Variants in MACROD2 observed in about 807,000 individuals in gnomAD.
MACROD2 encodes mono-ADP ribosylhydrolase 2, also known as ADP-ribose glycohydrolase MACROD2.
A neutral mutation model predicts 70.4 loss-of-function variants in MACROD2; 36 were observed. The observed-to-expected ratio is 0.51, with a 90% confidence interval of 0.39 to 0.68. The LOEUF is 0.68. Among genes scored for constraint, MACROD2 ranks in the 30% least tolerant of loss-of-function variants. The pLI is 0.00. For missense variants in MACROD2, 496 were observed against 538.4 expected, an observed-to-expected ratio of 0.92 and a Z score of 0.78; for synonymous variants, 172 against 178.8, an observed-to-expected ratio of 0.96 and a Z score of 0.30.
At chr20:16,032,654 A>T (rs4814426) in intron 15 of MACROD2, among the ~76,000 whole-genome samples, 3 of 148,440 alleles carry the variant, frequency 2.0e-5, no homozygotes. Flanking sequence ...GGGAAGAAAG[A>T]AAAGGAAAGA....
At chr20:14,302,409 T>C (rs2082482449) in intron 3 of MACROD2, among the ~76,000 whole-genome samples, 1 of 152,202 alleles carries the variant, frequency 6.6e-6, no homozygotes, top group South Asian at 2.1e-4. Context: ...AAAGGGAGGA[T>C]GTTATAAAAG....
At chr20:15,137,453 G>T (rs1429156974) in intron 5 of MACROD2, among the ~76,000 whole-genome samples, 6 of 149,024 alleles carry the variant, frequency 4.0e-5, no homozygotes, top group African/African-American at 1.5e-4. Flanking sequence ...GTAAACTATC[G>T]CAAGGACAAA....
chr20:14,302,787 G>A (rs2082487036), intron 3 of MACROD2, among the ~76,000 whole-genome samples: 1 of 151,788 alleles, frequency 6.6e-6, no homozygotes, highest in Non-Finnish European at 1.5e-5. Flanking sequence ...TGAGTAGCTG[G>A]GATTACAGGC....
In MACROD2 at chr20:14,117,709, A is replaced by G. The variant is rs1190885441; in HGVS notation, c.271+31981A>G. Among the ~76,000 whole-genome samples the G allele has an allele frequency of 2.0e-5, 3 of 152,024 alleles. No homozygotes were observed. The East Asian group carries it at 5.8e-4, about 29-fold the overall frequency. On this transcript the variant is annotated intron_variant, in intron 3 of 17. Coordinates refer to ENST00000684519, the MANE Select transcript of MACROD2 (RefSeq NM_001351661.2). Reference sequence around the variant, plus strand: ...TGGAAATTATTTTCTAAAAGATTCCATTTCCTCATGTTTGCTTTTCTCATG... The same window carrying G: ...TGGAAATTATTTTCTAAAAGATTCCGTTTCCTCATGTTTGCTTTTCTCATG...
chr20:15,704,130 A>ATGTT (rs1028524080), intron 8 of MACROD2, among the ~76,000 whole-genome samples: 83 of 148,974 alleles, frequency 5.6e-4, no homozygotes, highest in African/African-American at 1.5e-3. Context: ...CCTATTTGAA[A>ATGTT]TGTTTGTTTG....
chr20:15,027,699 T>C (rs1393069136), intron 5 of MACROD2, among the ~76,000 whole-genome samples: 1 of 142,920 alleles, frequency 7.0e-6, no homozygotes, highest in East Asian at 2.0e-4. Context: ...AGAGTAGGAC[T>C]CTCTAATTAA....
intron 15 of MACROD2, among the ~76,000 whole-genome samples, chr20:15,989,251 T>G (rs569420753): frequency 4.6e-5 from 7 of 152,328 alleles, no homozygotes; most frequent in African/African-American, 1.7e-4. Flanking sequence ...ATTTTGAATC[T>G]GTAGAAAGTC....
chr20:14,723,377 C>T (rs753619060), intron 5 of MACROD2, among the ~76,000 whole-genome samples: 9 of 151,920 alleles, frequency 5.9e-5, no homozygotes, highest in Non-Finnish European at 1.0e-4. Flanking sequence ...CATTGACTAA[C>T]GTGTCTTTGT....
chr20:15,423,979 CA>C (rs2046263996), intron 6 of MACROD2, among the ~76,000 whole-genome samples: 2 of 152,158 alleles, frequency 1.3e-5, no homozygotes, highest in African/African-American at 4.8e-5. Context: ...AAGTTGCAGA[CA>C]GCCAACTTAT....
intron 13 of MACROD2, among the ~76,000 whole-genome samples, chr20:15,981,424 T>TA (rs1414188473): frequency 6.6e-6 from 1 of 152,176 alleles, no homozygotes; most frequent in East Asian, 1.9e-4. Flanking sequence ...AGCTATGCAA[T>TA]AATTGAGACT....
chr20:15,708,064 C>T (rs2050563207), intron 8 of MACROD2, among the ~76,000 whole-genome samples: 1 of 151,506 alleles, frequency 6.6e-6, no homozygotes, highest in Non-Finnish European at 1.5e-5. Context: ...GAATGAGGAG[C>T]TCTGCACTTC....
intron 4 of MACROD2, among the ~76,000 whole-genome samples, chr20:14,634,884 AG>A (rs1984703328): frequency 6.6e-6 from 1 of 152,202 alleles, no homozygotes; most frequent in African/African-American, 2.4e-5. Context: ...GAGAATAAAA[AG>A]TTTAGACTCA....
In MACROD2 at chr20:15,702,421, T is replaced by A. The variant is rs141440546; in HGVS notation, c.646-160324T>A. ...TCAGCATTTCTCTGACGTTTAGTGA[T>A]GATGAGTATTTTTTCATGTGTTTCT... On this transcript the variant is annotated intron_variant, in intron 8 of 17. Transcript: ENST00000684519. Among the ~76,000 whole-genome samples, 308 of 152,348 alleles carry A rather than the reference T, an allele frequency of 2.0e-3. 1 individual carries two copies. The highest frequency in any genetic ancestry group is 6.7e-3 in the African/African-American group (280 of 41,580).
rs944137903 is a variant in MACROD2, at chr20:15,189,711, ATAACT to A, written c.419-40225_419-40221del. Among the ~76,000 whole-genome samples the A allele has an allele frequency of 4.6e-5, 7 of 152,350 alleles. No individual in the cohort carries two copies. In the East Asian group the frequency reaches 5.8e-4, roughly 13 times the overall value. The stretch of plus-strand genomic sequence containing the variant: ...ATAAAAATATCCTGGTGTTCAAGAA[ATAACT>A]TAAGTACTTATATCTTGAGGAGAAA... On this transcript the variant is annotated intron_variant, in intron 5 of 17. Transcript: ENST00000684519.
chr20:15,229,125 G>C (rs918522309), intron 5 of MACROD2, among the ~76,000 whole-genome samples: 5 of 152,150 alleles, frequency 3.3e-5, no homozygotes, highest in Non-Finnish European at 5.9e-5. Context: ...TTCTTAAAAT[G>C]AGGACAGTCC....
chr20:15,655,527 C>T (rs1339171345), intron 8 of MACROD2, among the ~76,000 whole-genome samples: 4 of 152,042 alleles, frequency 2.6e-5, no homozygotes, highest in African/African-American at 9.7e-5. Flanking sequence ...AAGTTGCTCC[C>T]TTGACGTAAA....
intron 3 of MACROD2, among the ~76,000 whole-genome samples, chr20:14,188,176 T>C (rs2081359554): frequency 6.6e-6 from 1 of 152,170 alleles, no homozygotes; most frequent in African/African-American, 2.4e-5. Context: ...TTGTGATATA[T>C]GTTAAAAATT....
At chr20:15,143,200 C>T (rs1028077818) in intron 5 of MACROD2, among the ~76,000 whole-genome samples, 1 of 152,122 alleles carries the variant, frequency 6.6e-6, no homozygotes, top group African/African-American at 2.4e-5. Flanking sequence ...TAATGATTGC[C>T]ATTCTAACTG....
chr20:14,461,512 T>A lies in MACROD2; in HGVS notation c.272-31967T>A, dbSNP rs1024948681. Reference sequence around the variant, plus strand: ...GTTACTTCTCTAGGTCTTTTTTTTTTATTATACTTTAAGTTTTAGGATACA... The same window carrying A: ...GTTACTTCTCTAGGTCTTTTTTTTTAATTATACTTTAAGTTTTAGGATACA... On this transcript the variant is annotated intron_variant, in intron 3 of 17. Coordinates refer to ENST00000684519, the MANE Select transcript of MACROD2 (RefSeq NM_001351661.2). 6.6e-5 allele frequency among the ~76,000 whole-genome samples: 10 copies of A among 152,048 alleles called. No homozygotes were observed. The South Asian group carries it at 1.5e-3, about 22-fold the overall frequency.
Sources: allele counts gnomAD v4.1 joint callset (sites outside exome capture counted in the v4.1 genomes callset), GRCh38; gene constraint gnomAD v4.1.1; transcripts MANE v1.5; gene names NCBI Gene and HGNC (gene_info 2026-07-23, HGNC 2026-07-21).